Variants in CNTNAP2 observed in about 807,000 individuals in gnomAD.
The protein encoded by CNTNAP2 is contactin associated protein 2.
A neutral mutation model predicts 155.2 loss-of-function variants in CNTNAP2; 98 were observed. The observed-to-expected ratio is 0.63, with a 90% confidence interval of 0.54 to 0.75. The LOEUF (loss-of-function observed/expected upper bound fraction) is 0.75, where lower values mean the gene tolerates loss of function less well. CNTNAP2 is among the 30% of genes least tolerant of loss of function. The probability of loss-of-function intolerance (pLI) is 0.00; values close to 1 mark genes in which losing one functional copy is unlikely to be tolerated. For synonymous variants in CNTNAP2, 651 were observed against 631.2 expected, an observed-to-expected ratio of 1.03 and a Z score of -0.47; for missense variants, 1,727 against 1,688.1, an observed-to-expected ratio of 1.02 and a Z score of -0.40.
chr7:147,841,686 C>T (rs28587824), intron 13 of CNTNAP2, among the ~76,000 whole-genome samples: 4,134 of 152,228 alleles, frequency 0.027, 170 homozygotes, highest in African/African-American at 0.095. Context: ...TTGAACAAGT[C>T]CCAAGTGGGA....
intron 1 of CNTNAP2, among the ~76,000 whole-genome samples, chr7:146,327,814 G>A (rs573587145): frequency 6.6e-6 from 1 of 152,286 alleles, no homozygotes; most frequent in East Asian, 1.9e-4. Context: ...AATAAATTGG[G>A]CAGGACCTAA....
chr7:147,939,829 T>C (rs80126758), intron 14 of CNTNAP2, among the ~76,000 whole-genome samples: 1,851 of 152,120 alleles, frequency 0.012, 47 homozygotes, highest in East Asian at 0.083. Flanking sequence ...AGCAGATTTG[T>C]AAAGAAAGGT....
At chr7:146,813,243 T>C (rs1803100986) in intron 2 of CNTNAP2, among the ~76,000 whole-genome samples, 1 of 152,108 alleles carries the variant, frequency 6.6e-6, no homozygotes, top group African/African-American at 2.4e-5. Flanking sequence ...ACAGCTTGCT[T>C]TGGGCACCTG....
Position 147,775,324 on chromosome 7 carries a change from TATATATATTTATAA to T in CNTNAP2, c.2099-128232_2099-128219del, listed in dbSNP as rs1797558754. Among the ~76,000 whole-genome samples the T allele has an allele frequency of 5.0e-5, 2 of 39,974 alleles. 1 individual carries two copies. Among genetic ancestry groups the T allele is most frequent in the African/African-American group, 5.8e-4 (2 of 3,464 alleles). 26.2% of individuals were successfully genotyped at this position (39,974 alleles called of 152,430 possible). On this transcript the variant is annotated intron_variant, in intron 13 of 23. Coordinates refer to ENST00000361727, the MANE Select transcript of CNTNAP2 (RefSeq NM_014141.6). ...ATATATTTATAAATATATATATATT[TATATATATTTATAA>T]ATATATATATTTATATATATTTATA...
intron 3 of CNTNAP2, among the ~76,000 whole-genome samples, chr7:146,849,793 A>G (rs556679431): frequency 1.7e-4 from 26 of 152,298 alleles, no homozygotes; most frequent in African/African-American, 6.3e-4. Flanking sequence ...CTCAAATACT[A>G]TATTCAAAGT....
chr7:147,762,950 T>G (rs1392523772), intron 13 of CNTNAP2, among the ~76,000 whole-genome samples: 1 of 152,120 alleles, frequency 6.6e-6, no homozygotes, highest in African/African-American at 2.4e-5. Flanking sequence ...AAAAGTTTGT[T>G]GTATGTGCAA....
At chr7:146,445,113 C>G (rs1000143092) in intron 1 of CNTNAP2, among the ~76,000 whole-genome samples, 1 of 100,140 alleles carries the variant, frequency 1.0e-5, no homozygotes, top group Non-Finnish European at 1.8e-5. Flanking sequence ...ATACCAGAGT[C>G]ACCAAAATTT....
intron 15 of CNTNAP2, among the ~76,000 whole-genome samples, chr7:148,056,111 C>G (rs1484982821): frequency 6.6e-6 from 1 of 152,182 alleles, no homozygotes; most frequent in African/African-American, 2.4e-5. Flanking sequence ...AAAGAGTGGG[C>G]TCTGTTCCCT....
Position 147,108,284 on chromosome 7 carries a change from G to C in CNTNAP2, c.688G>C (p.Gly230Arg), listed in dbSNP as rs1178323739. The change falls in exon 5 of 24, where the codon GGA (glycine) becomes CGA (arginine). Residue 230 changes from glycine (G) to arginine (R), a missense_variant. Transcript: ENST00000361727. ...ESEGVILHGE[G>R]QQGDYITLEL... Reference sequence around the variant, plus strand: ...TGAAGGAGTAATCCTGCACGGAGAAGGACAGCAAGGAGATTACATTACCTT... The same window carrying C: ...TGAAGGAGTAATCCTGCACGGAGAACGACAGCAAGGAGATTACATTACCTT... 1 of 1,613,680 alleles carries C rather than the reference G, an allele frequency of 6.2e-7. No homozygotes were observed.
At chr7:147,588,961 A>G (rs181895983) in intron 12 of CNTNAP2, among the ~76,000 whole-genome samples, 223 of 152,344 alleles carry the variant, frequency 1.5e-3, no homozygotes, top group Non-Finnish European at 2.0e-3. Context: ...ATAAGGGTAT[A>G]TGTTGATTAC....
intron 3 of CNTNAP2, among the ~76,000 whole-genome samples, chr7:146,915,373 A>G (rs1796372636): frequency 6.6e-6 from 1 of 152,108 alleles, no homozygotes; most frequent in African/African-American, 2.4e-5. Context: ...TTTGATGGAA[A>G]TTGCATTGAA....
intron 3 of CNTNAP2, among the ~76,000 whole-genome samples, chr7:146,905,966 C>T (rs968278060): frequency 2.0e-5 from 3 of 152,354 alleles, no homozygotes; most frequent in African/African-American, 7.2e-5. Flanking sequence ...CGAGCCGAAG[C>T]AGGGCGAGGC....
At chr7:148,036,724 A>G (rs980398536) in intron 15 of CNTNAP2, among the ~76,000 whole-genome samples, 2 of 152,158 alleles carry the variant, frequency 1.3e-5, no homozygotes, top group African/African-American at 4.8e-5. Flanking sequence ...CCATAATCAT[A>G]TAATATATTA....
At chr7:147,044,175 C>A (rs1035729625) in intron 4 of CNTNAP2, 121 bp downstream of exon 4, 251 of 1,056,534 alleles carry the variant, frequency 2.4e-4, no homozygotes, top group Non-Finnish European at 3.5e-4. Context: ...TTCTCATTTA[C>A]ATATATATGT....
chr7:148,372,873 T>C (rs1444972262), intron 21 of CNTNAP2, among the ~76,000 whole-genome samples: 2 of 152,258 alleles, frequency 1.3e-5, no homozygotes, highest in Non-Finnish European at 2.9e-5. Flanking sequence ...ATATTTCTTT[T>C]TATATGCGTA....
intron 23 of CNTNAP2, chr7:148,414,635 A>G (rs1189414505): frequency 1.3e-5 from 2 of 151,580 alleles, no homozygotes; most frequent in South Asian, 4.2e-4. Context: ...ATTTTGCTAC[A>G]TTTTTTTTCT....
intron 13 of CNTNAP2, among the ~76,000 whole-genome samples, chr7:147,710,720 C>T (rs1284458779): frequency 6.6e-6 from 1 of 152,038 alleles, no homozygotes; most frequent in Non-Finnish European, 1.5e-5. Flanking sequence ...GTGAGTTTTC[C>T]ACTTTGATAT....
At chr7:148,115,634 C>A (rs571585280) in intron 15 of CNTNAP2, among the ~76,000 whole-genome samples, 1 of 152,200 alleles carries the variant, frequency 6.6e-6, no homozygotes, top group Non-Finnish European at 1.5e-5. Context: ...CAGAGGTGCA[C>A]CTGAACGCCT....
intron 13 of CNTNAP2, among the ~76,000 whole-genome samples, chr7:147,817,494 C>T (rs1184540029): frequency 6.6e-6 from 1 of 152,134 alleles, no homozygotes; most frequent in Non-Finnish European, 1.5e-5. Flanking sequence ...ATATATGGCG[C>T]AGTGTATATT....
Sources: allele counts gnomAD v4.1 joint callset (sites outside exome capture counted in the v4.1 genomes callset), GRCh38; gene constraint gnomAD v4.1.1; transcripts MANE v1.5; gene names NCBI Gene and HGNC (gene_info 2026-07-23, HGNC 2026-07-21).